Variants in KPNA6 observed in about 807,000 individuals in gnomAD.
KPNA6 encodes the protein importin subunit alpha-7.
KPNA6 carries 9 observed loss-of-function variants against 72.0 expected under a neutral mutation model. The ratio of observed to expected loss-of-function variants is 0.13; its 90% confidence interval spans 0.08 to 0.22. The LOEUF (loss-of-function observed/expected upper bound fraction) is 0.22, where lower values mean the gene tolerates loss of function less well. KPNA6 is among the 10% of genes least tolerant of loss of function. The pLI, the probability that KPNA6 is intolerant of heterozygous loss-of-function variation, is 1.00. For synonymous variants in KPNA6, 219 were observed against 242.1 expected, an observed-to-expected ratio of 0.90 and a Z score of 0.89; for missense variants, 374 against 655.7, an observed-to-expected ratio of 0.57 and a Z score of 4.69.
chr1:32,122,188 C>T (rs773154990), intron 1 of KPNA6, among the ~76,000 whole-genome samples: 5 of 151,978 alleles, frequency 3.3e-5, no homozygotes, highest in East Asian at 1.9e-4. Context: ...GCAACAGAAT[C>T]GCTTGAACCC....
At chr1:32,152,146 T>C (rs568006145) in intron 1 of KPNA6, among the ~76,000 whole-genome samples, 5 of 151,828 alleles carry the variant, frequency 3.3e-5, no homozygotes, top group South Asian at 4.2e-4. Flanking sequence ...CTAGACGATA[T>C]AGTGAGACCC....
intron 1 of KPNA6, among the ~76,000 whole-genome samples, chr1:32,124,507 C>CTTT (rs562731872): frequency 1.5e-5 from 2 of 131,596 alleles, no homozygotes. Flanking sequence ...GAGGCCTCAT[C>CTTT]TTTTTTTTTT....
At chr1:32,150,369 G>A (rs1570045631) in intron 1 of KPNA6, among the ~76,000 whole-genome samples, 1 of 152,026 alleles carries the variant, frequency 6.6e-6, no homozygotes. Context: ...CTGGCCTCAA[G>A]TGATCCATCT....
In KPNA6 at chr1:32,128,388, T is replaced by A. The variant is rs1175739066; in HGVS notation, c.4+20254T>A. Among the ~76,000 whole-genome samples the A allele has an allele frequency of 1.2e-3, 9 of 7,602 alleles. 1 individual carries two copies. The highest frequency in any genetic ancestry group is 3.3e-3 in the Non-Finnish European group (8 of 2,426). The allele number at this position is 7,602 out of a possible 152,430, so 5.0% of individuals were successfully genotyped here. ...ATATTTTTTATATTATATATGTATT[T>A]ATATATATATATATATATATATATA... is the stretch of plus-strand genomic sequence containing the variant. On this transcript the variant is annotated intron_variant, in intron 1 of 13. Transcript: ENST00000373625.
intron 7 of KPNA6, among the ~76,000 whole-genome samples, chr1:32,161,123 C>CT (rs925194412): frequency 2.0e-5 from 3 of 151,930 alleles, no homozygotes; most frequent in African/African-American, 4.8e-5. Context: ...GATCACACCA[C>CT]TGCACTTCAG....
At position 32,166,123 on chromosome 1, in the gene KPNA6, G is replaced by T; in HGVS notation, c.1009G>T (p.Ala337Ser). ...GTTCTAGGTCATTCTTAACTGTTCAGCCCTACCTTGCCTTCTCCACTTGTT... is the reference window on the plus strand; with the variant it reads ...GTTCTAGGTCATTCTTAACTGTTCATCCCTACCTTGCCTTCTCCACTTGTT... ...IQTQVILNCS[A>S]LPCLLHLLSS... The change falls in exon 11 of 14, where the codon GCC becomes TCC. Residue 337 changes from alanine to serine, a missense_variant. Physicochemically the swap from Ala to Ser is moderately conservative, Grantham distance 99. Coordinates refer to ENST00000373625, the MANE Select transcript of KPNA6 (RefSeq NM_012316.5). The T allele has an allele frequency of 6.2e-7, 1 of 1,613,924 alleles. No homozygotes were observed. The highest frequency in any genetic ancestry group is 8.5e-7 in the Non-Finnish European group (1 of 1,179,968).
chr1:32,128,237 C>T (rs1340949085), intron 1 of KPNA6, among the ~76,000 whole-genome samples: 1 of 151,500 alleles, frequency 6.6e-6, no homozygotes, highest in African/African-American at 2.4e-5. Context: ...TCCCCTCCAC[C>T]TCTTACCTCC....
At chr1:32,136,003 A>G (rs1641727868) in intron 1 of KPNA6, among the ~76,000 whole-genome samples, 1 of 152,190 alleles carries the variant, frequency 6.6e-6, no homozygotes. Flanking sequence ...GATCACTTAA[A>G]AATTCTAACA....
At chr1:32,133,727 C>T (rs554384459) in intron 1 of KPNA6, among the ~76,000 whole-genome samples, 4 of 152,030 alleles carry the variant, frequency 2.6e-5, no homozygotes, top group East Asian at 3.9e-4. Context: ...AAAGAAAAAC[C>T]GTCAAGCAAG....
At position 32,152,615 on chromosome 1, in the gene KPNA6, G is replaced by A. The variant is rs185983093; in HGVS notation, c.5-1973G>A. Among the ~76,000 whole-genome samples, 9 of 152,258 alleles carry A rather than the reference G, an allele frequency of 5.9e-5. No homozygotes were observed. The East Asian group carries it at 1.7e-3, about 29-fold the overall frequency. On this transcript the variant is annotated intron_variant, in intron 1 of 13. Coordinates refer to ENST00000373625, the MANE Select transcript of KPNA6 (RefSeq NM_012316.5). Reference sequence around the variant, plus strand: ...AATCCCAGCACTTTGGGAGGCCGAGGCAGGTGGATCACGAGGTCAAGAGAT... The same window carrying A: ...AATCCCAGCACTTTGGGAGGCCGAGACAGGTGGATCACGAGGTCAAGAGAT...
rs71006334 is a variant in KPNA6, at chr1:32,141,375, C to CTTTTTTTTTTTTTT, written c.5-13186_5-13173dup. ...AGGGCTTTTTTTTTTTAAGTTAATC[C>CTTTTTTTTTTTTTT]TTTTTTTTTTTTTTTTTTTTTTTTT... On this transcript the variant is annotated intron_variant, in intron 1 of 13. Transcript: ENST00000373625. 4.0e-4 allele frequency among the ~76,000 whole-genome samples: 22 copies of CTTTTTTTTTTTTTT among 54,474 alleles called. 6 individuals are homozygous for CTTTTTTTTTTTTTT. The highest frequency in any genetic ancestry group is 6.2e-4 in the Admixed American group (3 of 4,850). 35.7% of individuals were successfully genotyped at this position (54,474 alleles called of 152,430 possible). A position where few individuals can be genotyped will look rare whatever the true frequency, so the allele number is the denominator to read the frequency against.
chr1:32,123,305 T>C (rs1394472616), intron 1 of KPNA6, among the ~76,000 whole-genome samples: 1 of 152,202 alleles, frequency 6.6e-6, no homozygotes, highest in Non-Finnish European at 1.5e-5. Flanking sequence ...GGAAACTTTT[T>C]AGACCTTTTT....
rs535910223 is a variant in KPNA6, at chr1:32,171,039, C to G, written c.*145C>G. 1.4e-6 allele frequency: 1 copy of G among 690,726 alleles called. No individual in the cohort carries two copies. The highest frequency in any genetic ancestry group is 1.8e-5 in the South Asian group (1 of 55,028). 42.8% of individuals were successfully genotyped at this position (690,726 alleles called of 1,614,324 possible). On this transcript the variant is annotated 3_prime_UTR_variant, in exon 14 of 14. Transcript: ENST00000373625. ...GAGACTGTGCTCTTGACCTGCTCCG[C>G]CCCCTTCCCTGGAGGGAGCACCCTC...
In KPNA6 at chr1:32,148,818, A is replaced by T. The variant is rs1050805732; in HGVS notation, c.5-5770A>T. 2.0e-5 allele frequency among the ~76,000 whole-genome samples: 3 copies of T among 151,866 alleles called. No homozygotes were observed. The East Asian group carries it at 5.8e-4, about 29-fold the overall frequency. Reference sequence around the variant, plus strand: ...GTGATCCACCCGCCTCAGCCTCCCAAAGTGCTGGGATTATAGGCATGAGCC... The same window carrying T: ...GTGATCCACCCGCCTCAGCCTCCCATAGTGCTGGGATTATAGGCATGAGCC... On this transcript the variant is annotated intron_variant, in intron 1 of 13. Coordinates refer to ENST00000373625, the MANE Select transcript of KPNA6 (RefSeq NM_012316.5).
chr1:32,167,434 A>G, intron 12 of KPNA6, 138 bp downstream of exon 12: 1 of 860,274 alleles, frequency 1.2e-6, no homozygotes, highest in Non-Finnish European at 1.8e-6. Context: ...TTTTACTGGT[A>G]AACTGCTACA....
intron 1 of KPNA6, among the ~76,000 whole-genome samples, chr1:32,119,016 A>G (rs1486410312): frequency 4.3e-5 from 3 of 69,330 alleles, no homozygotes; most frequent in East Asian, 8.2e-4. Context: ...ATATATATAT[A>G]TATATATATA....
At chr1:32,158,397 T>C in intron 5 of KPNA6, 36 bp downstream of exon 5, 1 of 1,346,570 alleles carries the variant, frequency 7.4e-7, no homozygotes, top group Non-Finnish European at 1.1e-6. Flanking sequence ...TTTTGTCTTT[T>C]AATTTTTGGG....
At position 32,169,830 on chromosome 1, in the gene KPNA6, C is replaced by CACTTCATGTGTCCTGT. The variant is rs1553132269; in HGVS notation, c.1245-48_1245-33dup. On this transcript the variant is annotated intron_variant, in intron 12 of 13. Transcript: ENST00000373625. ...CTGAGAGTTCAGAGCACCTGCCCAG[C>CACTTCATGTGTCCTGT]ACTTCATGTGTCCTGTACTAGTTTA... The CACTTCATGTGTCCTGT allele has an allele frequency of 5.3e-6, 8 of 1,514,916 alleles. No individual in the cohort carries two copies. In the African/African-American group the frequency reaches 1.1e-4, roughly 21 times the overall value. 93.8% of individuals were successfully genotyped at this position (1,514,916 alleles called of 1,614,324 possible).
rs1393198633 is a variant in KPNA6, at chr1:32,128,389, A to T, written c.4+20255A>T. ...TATTTTTTATATTATATATGTATTT[A>T]TATATATATATATATATATATATAT... is the stretch of plus-strand genomic sequence containing the variant. On this transcript the variant is annotated intron_variant, in intron 1 of 13. Transcript: ENST00000373625. 6.9e-3 allele frequency among the ~76,000 whole-genome samples: 221 copies of T among 31,970 alleles called. 1 individual carries two copies. The highest frequency in any genetic ancestry group is 0.028 in the African/African-American group (168 of 6,018). 21.0% of individuals were successfully genotyped at this position (31,970 alleles called of 152,430 possible). A position where few individuals can be genotyped will look rare whatever the true frequency, so the allele number is the denominator to read the frequency against.
Sources: gnomAD v4.1 joint callset for allele counts (sites outside exome capture counted in the v4.1 genomes callset) on GRCh38, gnomAD v4.1.1 for gene constraint, MANE v1.5 for transcripts, NCBI Gene and HGNC (gene_info 2026-07-23, HGNC 2026-07-21) for gene names.